Variants in CORO7 observed in about 807,000 individuals in gnomAD.
CORO7 encodes coronin-7.
In CORO7, 107 loss-of-function variants were observed where a neutral mutation model predicts 126.6. The ratio of observed to expected loss-of-function variants is 0.85; its 90% CI spans 0.72 to 0.99. The LOEUF is 0.99. Ranked by LOEUF, CORO7 falls within the 50% of genes least tolerant of loss-of-function variation. The probability of loss-of-function intolerance (pLI) is 0.00; values close to 1 mark genes in which losing one functional copy is unlikely to be tolerated. For synonymous variants in CORO7, 603 were observed against 536.8 expected (o/e 1.12, Z -1.70); for missense variants, 1,314 against 1,255.8 (o/e 1.05, Z -0.70).
At chr16:4,394,464 A>C (rs1465870680) in intron 7 of CORO7, among the ~76,000 whole-genome samples, 2 of 151,900 alleles carry the variant, frequency 1.3e-5, no homozygotes, top group Non-Finnish European at 2.9e-5. Flanking sequence ...AAAAAAAAAA[A>C]AAACTCTCTA....
chr16:4,355,691 G>A (rs554530937), intron 26 of CORO7: 3 of 279,294 alleles, frequency 1.1e-5, no homozygotes, highest in East Asian at 7.2e-5. Context: ...GGATGGTCTC[G>A]ATCTCCTGAC....
intron 9 of CORO7, chr16:4,382,513 G>A (rs2055025151): frequency 1.9e-6 from 3 of 1,592,502 alleles, no homozygotes; most frequent in African/African-American, 2.7e-5. Context: ...GGTGCCGGAG[G>A]GCGAGGAGGC....
At position 4,385,786 on chromosome 16, in the gene CORO7, G is replaced by A. The variant is rs116571492; in HGVS notation, c.785+2200C>T. 5.1e-3 allele frequency among the ~76,000 whole-genome samples: 770 copies of A among 152,346 alleles called. 7 individuals carry two copies. Among genetic ancestry groups the A allele is most frequent in the African/African-American group, 0.017 (726 of 41,574 alleles). On this transcript the variant is annotated intron_variant, in intron 9 of 27. Transcript: ENST00000251166. ...GGTGGGACCACAGCGGAGGCCCCTG[G>A]GTGAGGATGAGGAGGGGACGGGGTG...
At chr16:4,382,526 G>T (rs2055026307) in intron 9 of CORO7, 1 of 1,593,454 alleles carries the variant, frequency 6.3e-7, no homozygotes, top group Non-Finnish European at 8.5e-7. Flanking sequence ...GAGGAGGCCT[G>T]CGGGGAGGCC....
At chr16:4,390,634 C>A (rs957328061) in intron 7 of CORO7, among the ~76,000 whole-genome samples, 2 of 152,196 alleles carry the variant, frequency 1.3e-5, no homozygotes, top group African/African-American at 4.8e-5. Context: ...GGGGCTGCCA[C>A]TGAGCACTTT....
chr16:4,367,118 G>A (rs2141203944), intron 9 of CORO7, among the ~76,000 whole-genome samples: 1 of 152,346 alleles, frequency 6.6e-6, no homozygotes, highest in Non-Finnish European at 1.5e-5. Flanking sequence ...GGGGCCCTGG[G>A]TGTCTCCATG....
chr16:4,393,061 AG>A (rs2055452612), intron 7 of CORO7, among the ~76,000 whole-genome samples: 1 of 152,082 alleles, frequency 6.6e-6, no homozygotes, highest in Non-Finnish European at 1.5e-5. Flanking sequence ...AGAGGAGGGG[AG>A]AGGAGGAGGA....
chr16:4,392,863 C>T lies in CORO7; in HGVS notation c.615+2426G>A, dbSNP rs895071062. Reference sequence around the variant, plus strand: ...CCCGCACCAGGGCCCGAGCACAGGCCCCAGCCAGCAGCTGGAAGGGGTGGG... The same window carrying T: ...CCCGCACCAGGGCCCGAGCACAGGCTCCAGCCAGCAGCTGGAAGGGGTGGG... On this transcript the variant is annotated intron_variant, in intron 7 of 27. Coordinates refer to ENST00000251166, the MANE Select transcript of CORO7 (RefSeq NM_024535.5). 5.9e-5 allele frequency among the ~76,000 whole-genome samples: 9 copies of T among 152,282 alleles called. No homozygotes were observed. The East Asian group carries it at 1.7e-3, about 29-fold the overall frequency.
chr16:4,361,846 C>CCCCA, intron 16 of CORO7, 139 bp downstream of exon 16: 1 of 1,363,904 alleles, frequency 7.3e-7, no homozygotes, highest in South Asian at 1.3e-5. Flanking sequence ...TGGCAGGTGG[C>CCCCA]TGGGAGGATC....
chr16:4,365,775 G>A (rs1053526640), intron 9 of CORO7, among the ~76,000 whole-genome samples: 8 of 151,962 alleles, frequency 5.3e-5, no homozygotes, highest in East Asian at 1.9e-4. Context: ...GCACACCTGC[G>A]TCACTCCAGG....
rs1181881284 is a variant in CORO7 at position 4,364,929 on chromosome 16, G to A, written c.899-9C>T. ...CAGGACACACTGGGTCACTGTTGAG[G>A]ACACCATAGGGGAACAGGCAGGATG... is the stretch of plus-strand genomic sequence containing the variant. On this transcript the variant is annotated splice_polypyrimidine_tract_variant and intron_variant, in intron 11 of 27. Coordinates refer to ENST00000251166, the MANE Select transcript of CORO7 (RefSeq NM_024535.5). The A allele has an allele frequency of 1.2e-6, 2 of 1,607,502 alleles. No individual in the cohort carries two copies. Among genetic ancestry groups the A allele is most frequent in the South Asian group, 2.2e-5 (2 of 90,452 alleles).
intron 6 of CORO7, among the ~76,000 whole-genome samples, chr16:4,395,760 C>G (rs940355786): frequency 2.0e-5 from 3 of 152,220 alleles, no homozygotes; most frequent in African/African-American, 7.2e-5. Context: ...CAGCCCTGTA[C>G]TAGGCCCAGC....
intron 9 of CORO7, among the ~76,000 whole-genome samples, chr16:4,372,560 A>C (rs2054574667): frequency 2.0e-5 from 3 of 152,092 alleles, no homozygotes; most frequent in Non-Finnish European, 4.4e-5. Flanking sequence ...CAGGGCCCTT[A>C]GAGCTTCGGG....
chr16:4,370,389 A>T (rs1440131937), intron 9 of CORO7, among the ~76,000 whole-genome samples: 1 of 152,190 alleles, frequency 6.6e-6, no homozygotes, highest in Non-Finnish European at 1.5e-5. Flanking sequence ...AGAGGGAGCA[A>T]CCGCCACTCA....
intron 6 of CORO7, among the ~76,000 whole-genome samples, chr16:4,401,828 C>T (rs1466156979): frequency 6.6e-6 from 1 of 152,120 alleles, no homozygotes; most frequent in Admixed American, 6.5e-5. Context: ...CAGAGACCGA[C>T]AGCCCGAGTC....
rs772699536 is a variant in CORO7, at chr16:4,381,802, T to C, written c.785+6184A>G. 4.4e-6 allele frequency: 7 copies of C among 1,600,398 alleles called. No homozygotes were observed. The South Asian group carries it at 7.7e-5, about 18-fold the overall frequency. On this transcript the variant is annotated intron_variant, in intron 9 of 27. Transcript: ENST00000251166. ...CAACTGCGTGTGCCCCCTGAGCTGGTTTGGCCCCTGGGTGCGCGAGAGCCA... is the reference window on the plus strand; with the variant it reads ...CAACTGCGTGTGCCCCCTGAGCTGGCTTGGCCCCTGGGTGCGCGAGAGCCA...
intron 3 of CORO7, 68 bp downstream of exon 3, chr16:4,412,288 T>A: frequency 6.4e-7 from 1 of 1,566,528 alleles, no homozygotes; most frequent in Non-Finnish European, 8.8e-7. Context: ...CAGGTGAGGA[T>A]GAATTTCTGG....
chr16:4,367,954 T>G (rs747842185), intron 9 of CORO7, among the ~76,000 whole-genome samples: 2 of 152,152 alleles, frequency 1.3e-5, no homozygotes, highest in Non-Finnish European at 2.9e-5. Context: ...CAGCCAGCAC[T>G]TTGGGAGGCT....
intron 3 of CORO7, among the ~76,000 whole-genome samples, chr16:4,411,141 A>G (rs1279364047): frequency 6.6e-6 from 1 of 152,166 alleles, no homozygotes; most frequent in Non-Finnish European, 1.5e-5. Flanking sequence ...CGGGGCCCCA[A>G]AACTTTGGGA....
Sources: allele counts gnomAD v4.1 joint callset (sites outside exome capture counted in the v4.1 genomes callset), GRCh38; gene constraint gnomAD v4.1.1; transcripts MANE v1.5; gene names NCBI Gene and HGNC (gene_info 2026-07-23, HGNC 2026-07-21).